The following DOCK6 variants were observed in gnomAD, a reference collection of about 807,000 sequenced individuals.
The protein encoded by DOCK6 is dedicator of cytokinesis protein 6.
A neutral mutation model predicts 230.3 loss-of-function variants in DOCK6; 167 were observed. That is an observed-to-expected ratio of 0.73 (90% CI 0.64 to 0.82). The LOEUF (loss-of-function observed/expected upper bound fraction) is 0.82. Ranked by LOEUF, DOCK6 falls within the 40% of genes least tolerant of loss-of-function variation. The pLI, the probability that DOCK6 is intolerant of heterozygous loss-of-function variation, is 0.00. For missense variants in DOCK6, 2,598 were observed against 2,825.8 expected (o/e 0.92, Z 1.83); for synonymous variants, 1,148 against 1,185.0 (o/e 0.97, Z 0.64).
At chr19:11,254,682 GAAA>G (rs974460402) in intron 1 of DOCK6, among the ~76,000 whole-genome samples, 1 of 135,256 alleles carries the variant, frequency 7.4e-6, no homozygotes, top group East Asian at 2.1e-4. Flanking sequence ...ACTTTGTCTC[GAAA>G]AAAAAAAAAA....
In DOCK6 at chr19:11,200,711, C is replaced by T. The variant is rs752580737; in HGVS notation, c.5939+5G>A. The T allele has an allele frequency of 3.7e-6, 6 of 1,610,664 alleles. No individual in the cohort carries two copies. The highest frequency in any genetic ancestry group is 4.2e-6 in the Non-Finnish European group (5 of 1,178,580). On this transcript the variant is annotated splice_donor_5th_base_variant and intron_variant, in intron 46 of 47. Coordinates refer to ENST00000294618, the MANE Select transcript of DOCK6 (RefSeq NM_020812.4). The surrounding 1 kb of genome is among the most constrained non-coding windows in gnomAD (Gnocchi z 4.3). Reference sequence around the variant, plus strand: ...GAGACCCCTCCTGGGGGGTTTTGCGCCTACTTCTTGCAGAAGTCCTTGAAG... The same window carrying T: ...GAGACCCCTCCTGGGGGGTTTTGCGTCTACTTCTTGCAGAAGTCCTTGAAG...
intron 9 of DOCK6, among the ~76,000 whole-genome samples, chr19:11,245,109 T>C (rs997677831): frequency 3.9e-5 from 6 of 152,208 alleles, no homozygotes; most frequent in Non-Finnish European, 7.3e-5. Context: ...GAGGGATCCC[T>C]GTGAAGCGTG....
chr19:11,232,196 C>T (rs550295341), intron 22 of DOCK6: 85 of 1,288,888 alleles, frequency 6.6e-5, no homozygotes, highest in Non-Finnish European at 7.8e-5. Context: ...TGTCTGGGGT[C>T]GGCCCCACAA....
At chr19:11,235,552 C>T (rs772466106) in intron 21 of DOCK6, 46 bp downstream of exon 21, 72 of 1,509,924 alleles carry the variant, frequency 4.8e-5, no homozygotes, top group Non-Finnish European at 4.6e-5. Context: ...CACCCAGCCT[C>T]TTCTCCCAGA....
rs535091337 is a variant in DOCK6 at position 11,206,834 on chromosome 19, G to GT, written c.5088+1851dup. On this transcript the variant is annotated intron_variant, in intron 39 of 47. Transcript: ENST00000294618. The stretch of plus-strand genomic sequence containing the variant: ...GGGAAAATAGCTGGGATTTGTGGTG[G>GT]TTTTTTTTTTTTTGTTTTTTGTTTT... Among the ~76,000 whole-genome samples, 118 of 18,378 alleles carry GT rather than the reference G, an allele frequency of 6.4e-3. 1 individual carries two copies. Among genetic ancestry groups the GT allele is most frequent in the East Asian group, 0.025 (15 of 612 alleles). The allele number at this position is 18,378 out of a possible 152,430, so 12.1% of individuals were successfully genotyped here.
chr19:11,243,325 C>A lies in DOCK6; in HGVS notation c.1319G>T (p.Gly440Val). 1 of 1,599,366 alleles carries A rather than the reference C, an allele frequency of 6.3e-7. No homozygotes were observed. Among genetic ancestry groups the A allele is most frequent in the East Asian group, 2.3e-5 (1 of 44,094 alleles). ...RRGPQDRASS[G>V]DDACSFSGFR... is the part of the protein sequence containing the mutation. ...GCCAGAGAAGCTGCAGGCGTCGTCC[C>A]CACTACTCGCCCGGTCCTGGGGCCC... Residue 440 changes from glycine to valine, a missense_variant, in exon 12 of 48, where the codon GGG becomes GTG. Gly to Val is a moderately radical substitution (Grantham distance 109). Coordinates refer to ENST00000294618, the MANE Select transcript of DOCK6 (RefSeq NM_020812.4). The surrounding 1 kb of genome is among the most constrained non-coding windows in gnomAD (Gnocchi z 6.3).
rs976802819 is a variant in DOCK6 at position 11,262,452 on chromosome 19, CCCG to C, written c.-15_-13del. ...TCGGAGGCAGCCATGGTCCTCGCGTCCCGCCGCCGCCGCCCCGGGCCCCGGCCC... is the reference window on the plus strand; with the variant it reads ...TCGGAGGCAGCCATGGTCCTCGCGTCCCGCCGCCGCCCCGGGCCCCGGCCC... On this transcript the variant is annotated 5_prime_UTR_variant, in exon 1 of 48. Transcript: ENST00000294618. The C allele has an allele frequency of 2.0e-4, 231 of 1,180,128 alleles. No homozygotes were observed. The highest frequency in any genetic ancestry group is 8.3e-4 in the East Asian group (23 of 27,716). 73.1% of individuals were successfully genotyped at this position (1,180,128 alleles called of 1,614,324 possible).
At chr19:11,238,478 A>G in intron 14 of DOCK6, 174 bp from the exon 15 acceptor site, 2 of 618,206 alleles carry the variant, frequency 3.2e-6, no homozygotes, top group Non-Finnish European at 5.8e-6. Flanking sequence ...GTCAGGAGAT[A>G]GGACAGAGGG....
chr19:11,217,464 T>A, intron 28 of DOCK6, 73 bp from the exon 29 acceptor site: 2 of 1,544,404 alleles, frequency 1.3e-6, no homozygotes, highest in Non-Finnish European at 1.8e-6. Context: ...ATTTCAGAAG[T>A]CTTCCCTCAT....
At position 11,236,815 on chromosome 19, in the gene DOCK6, G is replaced by A; in HGVS notation, c.2138C>T (p.Ala713Val). ...TACCTGGGGGTGCACAGAGGACACGGCTGTGAGCTCCACACTGAACACGCC... is the reference window on the plus strand; with the variant it reads ...TACCTGGGGGTGCACAGAGGACACGACTGTGAGCTCCACACTGAACACGCC... ...HKGVFSVELTAVSSVHPQDPY... is the reference protein window; with the variant it reads ...HKGVFSVELTVVSSVHPQDPY... Residue 713 changes from alanine to valine, a missense_variant, in exon 19 of 48, where the codon GCC (alanine) becomes GTC (valine). Ala to Val is a moderately conservative substitution (Grantham distance 64). Coordinates refer to ENST00000294618, the MANE Select transcript of DOCK6 (RefSeq NM_020812.4). The surrounding 1 kb of genome is among the most constrained non-coding windows in gnomAD (Gnocchi z 5.2). The A allele has an allele frequency of 6.4e-7, 1 of 1,554,246 alleles. No homozygotes were observed. The highest frequency in any genetic ancestry group is 1.2e-5 in the South Asian group (1 of 84,198).
At position 11,243,015 on chromosome 19, in the gene DOCK6, CTGAG is replaced by C. The variant is rs776474696; in HGVS notation, c.1480+40_1480+43del. On this transcript the variant is annotated intron_variant, in intron 13 of 47. Coordinates refer to ENST00000294618, the MANE Select transcript of DOCK6 (RefSeq NM_020812.4). This position sits in a 1 kb window ranked among gnomAD's most constrained non-coding sequence, Gnocchi z 6.3. ...CTCTCAGTGTAGGTTTGTTGAGTGGCTGAGTGAGAGTGATACTTCTTGTGTATGG... is the reference window on the plus strand; with the variant it reads ...CTCTCAGTGTAGGTTTGTTGAGTGGCTGAGAGTGATACTTCTTGTGTATGG... 11 of 1,607,810 alleles carry C rather than the reference CTGAG, an allele frequency of 6.8e-6. No homozygotes were observed. The highest frequency in any genetic ancestry group is 3.3e-5 in the Admixed American group (2 of 59,978).
At chr19:11,212,865 C>T (rs1178260843) in intron 35 of DOCK6, among the ~76,000 whole-genome samples, 4 of 104,474 alleles carry the variant, frequency 3.8e-5, no homozygotes, top group Non-Finnish European at 3.7e-5. Context: ...GTGCCTGGCC[C>T]TTTTTTTTTT....
At chr19:11,226,638 A>G (rs1314958111) in intron 24 of DOCK6, among the ~76,000 whole-genome samples, 1 of 152,248 alleles carries the variant, frequency 6.6e-6, no homozygotes, top group Non-Finnish European at 1.5e-5. Context: ...AGCCTGGACA[A>G]CAAGAGTGAA....
chr19:11,219,516 G>C (rs900667734), intron 28 of DOCK6, among the ~76,000 whole-genome samples: 1 of 151,742 alleles, frequency 6.6e-6, no homozygotes, highest in African/African-American at 2.4e-5. Flanking sequence ...TCGGCTGGGC[G>C]TGGTGGCTCA....
At chr19:11,249,379 C>T (rs1358919393) in intron 6 of DOCK6, among the ~76,000 whole-genome samples, 1 of 151,720 alleles carries the variant, frequency 6.6e-6, no homozygotes, top group Non-Finnish European at 1.5e-5. Context: ...GGCATAGTGG[C>T]ACGTGCCTGT....
intron 5 of DOCK6, 47 bp downstream of exon 5, chr19:11,252,072 G>C: frequency 1.3e-6 from 2 of 1,568,384 alleles, no homozygotes; most frequent in Non-Finnish European, 1.7e-6. Flanking sequence ...TGAGGCCGGA[G>C]CCTCCACACA....
intron 39 of DOCK6, among the ~76,000 whole-genome samples, 193 bp from the exon 40 acceptor site, chr19:11,204,524 G>A (rs1484383154): frequency 6.6e-6 from 1 of 151,892 alleles, no homozygotes; most frequent in Non-Finnish European, 1.5e-5. Context: ...AGGGCTCCAT[G>A]GTCTTCACTG....
chr19:11,251,947 G>T, intron 5 of DOCK6, 172 bp downstream of exon 5: 1 of 923,712 alleles, frequency 1.1e-6, no homozygotes, highest in East Asian at 2.7e-5. Context: ...TACACCCTAA[G>T]CACTCAATAA....
chr19:11,261,540 G>A (rs567261899), intron 1 of DOCK6, among the ~76,000 whole-genome samples: 1 of 152,156 alleles, frequency 6.6e-6, no homozygotes, highest in African/African-American at 2.4e-5. Context: ...CCCGGGGAGA[G>A]GATACCTGAG....
Sources: allele counts gnomAD v4.1 joint callset (sites outside exome capture counted in the v4.1 genomes callset), GRCh38; gene constraint gnomAD v4.1.1; non-coding constraint Gnocchi (gnomAD v3.1); transcripts MANE v1.5; gene names NCBI Gene and HGNC (gene_info 2026-07-23, HGNC 2026-07-21).